Variants in MRPS6 observed in about 807,000 individuals in gnomAD.
The protein encoded by MRPS6 is mitochondrial ribosomal protein S6, also known as small ribosomal subunit protein bS6m.
A neutral mutation model predicts 13.1 loss-of-function variants in MRPS6; 6 were observed. The observed-to-expected ratio is 0.46, with a 90% CI of 0.25 to 0.91. MRPS6 has a LOEUF of 0.91. MRPS6 is among the 40% of genes least tolerant of loss of function. The pLI is 0.18. For synonymous variants in MRPS6, 61 were observed against 56.5 expected (o/e 1.08, Z -0.36); for missense variants, 164 against 155.6 (o/e 1.05, Z -0.29).
chr21:34,085,134 A>T (rs1569413613), intron 1 of MRPS6, among the ~76,000 whole-genome samples: 1 of 152,220 alleles, frequency 6.6e-6, no homozygotes, highest in Non-Finnish European at 1.5e-5. Flanking sequence ...ATCAAGGATC[A>T]TATATTTACT....
At chr21:34,104,723 AGT>A in intron 1 of MRPS6, 1 of 999,540 alleles carries the variant, frequency 1.0e-6, no homozygotes, top group Non-Finnish European at 1.2e-6. Context: ...GATTACCAGA[AGT>A]GCAGGAAAGA....
At chr21:34,083,961 A>G (rs1023154925) in intron 1 of MRPS6, among the ~76,000 whole-genome samples, 10 of 152,304 alleles carry the variant, frequency 6.6e-5, no homozygotes, top group South Asian at 4.1e-4. Flanking sequence ...GGATTTTTCT[A>G]TCCCTCTACT....
chr21:34,135,567 C>T (rs564709481), intron 2 of MRPS6: 50 of 457,848 alleles, frequency 1.1e-4, no homozygotes, highest in Non-Finnish European at 8.7e-5. Context: ...GGAGGGCACC[C>T]TCAAGAGTGC....
At chr21:34,110,353 A>G (rs1569420936) in intron 1 of MRPS6, among the ~76,000 whole-genome samples, 1 of 151,388 alleles carries the variant, frequency 6.6e-6, no homozygotes, top group Non-Finnish European at 1.5e-5. Flanking sequence ...AGTCCCAGCT[A>G]CTCAAGAGGC....
At chr21:34,136,040 AC>A (rs1980686950) in intron 2 of MRPS6, 1 of 265,530 alleles carries the variant, frequency 3.8e-6, no homozygotes, top group Admixed American at 5.2e-5. Context: ...AGGGGTCTCT[AC>A]CACTGCTGGT....
chr21:34,109,987 C>G (rs1338368012), intron 1 of MRPS6, among the ~76,000 whole-genome samples: 1 of 152,098 alleles, frequency 6.6e-6, no homozygotes, highest in African/African-American at 2.4e-5. Context: ...TCTGGCTTGC[C>G]TGGAAATTCT....
intron 1 of MRPS6, chr21:34,101,940 A>G: frequency 9.0e-6 from 9 of 1,000,152 alleles, no homozygotes; most frequent in Non-Finnish European, 1.1e-5. Context: ...GTGCAGAGAA[A>G]CAATGGAGTT....
In MRPS6 at chr21:34,096,637, T is replaced by C; in HGVS notation, c.45+22892T>C. 6.2e-7 allele frequency: 1 copy of C among 1,614,176 alleles called. No individual in the cohort carries two copies. The highest frequency in any genetic ancestry group is 8.5e-7 in the Non-Finnish European group (1 of 1,179,996). ...TATGGTGGAATGGCTGGCTTTGTTC[T>C]TGGAGCAGTCCGTTTGATACTGGCC... On this transcript the variant is annotated intron_variant, in intron 1 of 2. Transcript: ENST00000399312. This position sits in a 1 kb window ranked among gnomAD's most constrained non-coding sequence, Gnocchi z 5.9.
chr21:34,112,489 C>G (rs1353078545), intron 1 of MRPS6, among the ~76,000 whole-genome samples: 3 of 152,094 alleles, frequency 2.0e-5, no homozygotes, highest in African/African-American at 7.2e-5. Context: ...GTGTACAATC[C>G]AGTGGTTTTT....
At chr21:34,111,329 AC>A (rs1602947667) in intron 1 of MRPS6, among the ~76,000 whole-genome samples, 1 of 152,074 alleles carries the variant, frequency 6.6e-6, no homozygotes, top group East Asian at 1.9e-4. Context: ...CAGCACCACC[AC>A]CCGCTTCCTG....
chr21:34,086,257 G>A (rs952425899), intron 1 of MRPS6, among the ~76,000 whole-genome samples: 24 of 152,032 alleles, frequency 1.6e-4, no homozygotes, highest in African/African-American at 5.6e-4. Flanking sequence ...GTCTTGGGAG[G>A]GATAGATCAC....
At chr21:34,140,270 C>T (rs1388788845) in intron 2 of MRPS6, among the ~76,000 whole-genome samples, 2 of 151,666 alleles carry the variant, frequency 1.3e-5, no homozygotes, top group Admixed American at 6.6e-5. Flanking sequence ...AATTTCCTGA[C>T]AAGTATTGCT....
intron 1 of MRPS6, chr21:34,101,541 ATTCAGAGAGACTGGTC>A: frequency 4.0e-6 from 4 of 1,000,208 alleles, no homozygotes; most frequent in Non-Finnish European, 4.8e-6. Flanking sequence ...CCCACTTACC[ATTCAGAGAGACTGGTC>A]TTTCTCTTTG....
chr21:34,107,513 T>C (rs1443850808), intron 1 of MRPS6, among the ~76,000 whole-genome samples: 1 of 152,202 alleles, frequency 6.6e-6, no homozygotes, highest in Admixed American at 6.5e-5. Flanking sequence ...TGGGGGGATA[T>C]TAAAAACCAT....
At chr21:34,103,035 A>G (rs1602938587) in intron 1 of MRPS6, 7 of 999,754 alleles carry the variant, frequency 7.0e-6, no homozygotes, top group Admixed American at 6.2e-5. Flanking sequence ...ATTTATCAAC[A>G]TAGCCTAGAC....
rs1234778394 is a variant in MRPS6, at chr21:34,096,789, C to T, written c.45+23044C>T. The T allele has an allele frequency of 3.1e-6, 5 of 1,613,938 alleles. No homozygotes were observed. The highest frequency in any genetic ancestry group is 4.2e-6 in the Non-Finnish European group (5 of 1,179,904). Reference sequence around the variant, plus strand: ...GGGACTCATTACTGTAATTGTGAGCCTTCTCACACCACCTCCCACAAAGGA... The same window carrying T: ...GGGACTCATTACTGTAATTGTGAGCTTTCTCACACCACCTCCCACAAAGGA... On this transcript the variant is annotated intron_variant, in intron 1 of 2. Coordinates refer to ENST00000399312, the MANE Select transcript of MRPS6 (RefSeq NM_032476.4). This position sits in a 1 kb window ranked among gnomAD's most constrained non-coding sequence, Gnocchi z 5.9.
chr21:34,077,252 T>C (rs1228129612), intron 1 of MRPS6, among the ~76,000 whole-genome samples: 1 of 152,224 alleles, frequency 6.6e-6, no homozygotes, highest in Non-Finnish European at 1.5e-5. Flanking sequence ...TACTGTATAA[T>C]GTAGAGGAGC....
At chr21:34,127,427 C>T (rs1003612893) in intron 2 of MRPS6, among the ~76,000 whole-genome samples, 11 of 152,172 alleles carry the variant, frequency 7.2e-5, no homozygotes, top group African/African-American at 2.4e-4. Flanking sequence ...CTTACATGAT[C>T]GAATTCCTTC....
At chr21:34,094,540 C>G (rs1346331770) in intron 1 of MRPS6, among the ~76,000 whole-genome samples, 1 of 152,024 alleles carries the variant, frequency 6.6e-6, no homozygotes, top group African/African-American at 2.4e-5. Flanking sequence ...ATCTTAGTGC[C>G]TGTCCTAATC....
Sources: allele counts gnomAD v4.1 joint callset (sites outside exome capture counted in the v4.1 genomes callset), GRCh38; gene constraint gnomAD v4.1.1; non-coding constraint Gnocchi (gnomAD v3.1); transcripts MANE v1.5; gene names NCBI Gene and HGNC (gene_info 2026-07-23, HGNC 2026-07-21).